EPHB1: variants seen among roughly 807,000 people sequenced by gnomAD.
EPHB1 encodes the protein ephrin type-B receptor 1.
Under a neutral mutation model 94.4 loss-of-function variants are expected in EPHB1, and 30 were observed. The ratio of observed to expected loss-of-function variants is 0.32; its 90% CI spans 0.24 to 0.43. The LOEUF is 0.43. Among genes scored for constraint, EPHB1 ranks in the 20% least tolerant of loss-of-function variants. The pLI, the probability that EPHB1 is intolerant of heterozygous loss-of-function variation, is 1.00. For missense variants in EPHB1, 1,055 were observed against 1,308.3 expected, an observed-to-expected ratio of 0.81 and a Z score of 2.99; for synonymous variants, 522 against 489.1, an observed-to-expected ratio of 1.07 and a Z score of -0.89.
chr3:134,938,854 TAA>T (rs2039061231), intron 2 of EPHB1, among the ~76,000 whole-genome samples: 1 of 152,136 alleles, frequency 6.6e-6, no homozygotes, highest in Non-Finnish European at 1.5e-5. Context: ...CAGAGAAGTT[TAA>T]AGACTTGCCC....
intron 3 of EPHB1, among the ~76,000 whole-genome samples, chr3:134,963,124 A>G (rs1019723785): frequency 8.4e-5 from 11 of 130,552 alleles, no homozygotes; most frequent in Non-Finnish European, 1.7e-4. Context: ...CCCTTCTTAT[A>G]CCTTCTCTTG....
intron 1 of EPHB1, among the ~76,000 whole-genome samples, chr3:134,804,736 C>G (rs2036004073): frequency 6.6e-6 from 1 of 152,182 alleles, no homozygotes; most frequent in Non-Finnish European, 1.5e-5. Flanking sequence ...GCTCTGGCTG[C>G]TTTTATCCAT....
At chr3:135,031,510 A>C (rs1936469256) in intron 3 of EPHB1, among the ~76,000 whole-genome samples, 2 of 152,044 alleles carry the variant, frequency 1.3e-5, no homozygotes, top group Non-Finnish European at 2.9e-5. Flanking sequence ...GGGTTTCTCC[A>C]CATTGTCCAT....
chr3:135,013,747 G>A (rs771624083), intron 3 of EPHB1, among the ~76,000 whole-genome samples: 2 of 152,212 alleles, frequency 1.3e-5, no homozygotes, highest in African/African-American at 2.4e-5. Flanking sequence ...AGAGGCTAAA[G>A]TTACAACTGC....
At chr3:134,833,626 G>A (rs2036617079) in intron 1 of EPHB1, among the ~76,000 whole-genome samples, 1 of 152,234 alleles carries the variant, frequency 6.6e-6, no homozygotes, top group South Asian at 2.1e-4. Context: ...TCAGTGTGAT[G>A]GGTGCCAGGA....
intron 4 of EPHB1, among the ~76,000 whole-genome samples, chr3:135,128,811 A>G (rs866974016): frequency 4.6e-5 from 7 of 152,200 alleles, no homozygotes; most frequent in Non-Finnish European, 4.4e-5. Flanking sequence ...AAATGAGTGA[A>G]TGAGTAAATA....
In EPHB1 at chr3:135,259,152, GA is replaced by G. The variant is rs2107736380; in HGVS notation, c.*36del. On this transcript the variant is annotated 3_prime_UTR_variant, in exon 16 of 16. Transcript: ENST00000398015. Reference sequence around the variant, plus strand: ...TTGTTTCTTGGGGAAGGAGAGGAGGGAAAAGGACCAGGGTCAAGGGGGACCA... The same window carrying G: ...TTGTTTCTTGGGGAAGGAGAGGAGGGAAAGGACCAGGGTCAAGGGGGACCA... The G allele has an allele frequency of 6.5e-7, 1 of 1,548,110 alleles. No individual in the cohort carries two copies. The highest frequency in any genetic ancestry group is 8.8e-7 in the Non-Finnish European group (1 of 1,132,704).
At chr3:134,822,451 CA>C (rs1371504812) in intron 1 of EPHB1, among the ~76,000 whole-genome samples, 2 of 152,170 alleles carry the variant, frequency 1.3e-5, no homozygotes, top group Non-Finnish European at 2.9e-5. Flanking sequence ...GGGCACTAAC[CA>C]ACATATATTT....
intron 13 of EPHB1, among the ~76,000 whole-genome samples, chr3:135,246,743 CA>C (rs1309642045): frequency 6.6e-6 from 1 of 152,098 alleles, no homozygotes; most frequent in Non-Finnish European, 1.5e-5. Flanking sequence ...CAGTGCAACA[CA>C]GTGTTCAAAA....
At chr3:134,894,749 T>C (rs948052370) in intron 1 of EPHB1, among the ~76,000 whole-genome samples, 3 of 152,228 alleles carry the variant, frequency 2.0e-5, no homozygotes, top group Non-Finnish European at 4.4e-5. Context: ...ACACCTGACA[T>C]AGAAGGTAGG....
At position 135,154,309 on chromosome 3, in the gene EPHB1, C is replaced by T. The variant is rs554150290; in HGVS notation, c.1422+33C>T. On this transcript the variant is annotated intron_variant, in intron 6 of 15. Coordinates refer to ENST00000398015, the MANE Select transcript of EPHB1 (RefSeq NM_004441.5). Reference sequence around the variant, plus strand: ...AGCTCTACCTGCAAGCTTGCAAGACCCAAGGCCAGCCACTGTTCCATGGAT... The same window carrying T: ...AGCTCTACCTGCAAGCTTGCAAGACTCAAGGCCAGCCACTGTTCCATGGAT... 1.7e-4 allele frequency: 268 copies of T among 1,612,646 alleles called. 3 individuals are homozygous for T. The South Asian group carries it at 2.8e-3, about 17-fold the overall frequency.
intron 5 of EPHB1, among the ~76,000 whole-genome samples, chr3:135,142,197 G>A (rs997235729): frequency 5.3e-5 from 8 of 152,320 alleles, no homozygotes; most frequent in Admixed American, 5.2e-4. Context: ...AAAGTTTGAG[G>A]AGAATGGAAA....
chr3:135,039,863 C>T (rs1185571241), intron 3 of EPHB1, among the ~76,000 whole-genome samples: 1 of 152,192 alleles, frequency 6.6e-6, no homozygotes, highest in Non-Finnish European at 1.5e-5. Flanking sequence ...AAAGGGGCTC[C>T]CACAGTGCAG....
chr3:135,166,698 C>T (rs1041548478), intron 8 of EPHB1, among the ~76,000 whole-genome samples: 3 of 152,240 alleles, frequency 2.0e-5, no homozygotes, highest in Non-Finnish European at 4.4e-5. Context: ...GAATGGGGTC[C>T]CACAGTCCCG....
chr3:134,811,248 T>TG (rs1560243589), intron 1 of EPHB1, among the ~76,000 whole-genome samples: 1 of 108,096 alleles, frequency 9.3e-6, no homozygotes, highest in Non-Finnish European at 1.9e-5. Context: ...GAAGGTTTTT[T>TG]TTTTTTTTTT....
Position 135,154,158 on chromosome 3 carries a change from C to T in EPHB1, c.1304C>T (p.Ser435Phe), listed in dbSNP as rs1941283643. 1.2e-6 allele frequency: 2 copies of T among 1,613,886 alleles called. 1 individual carries two copies. The highest frequency in any genetic ancestry group is 2.2e-5 in the South Asian group (2 of 91,088). Residue 435 changes from serine (S) to phenylalanine (F), a missense_variant, in exon 6 of 16, where the codon TCC becomes TTC. Physicochemically the swap from Ser to Phe is radical, Grantham distance 155 (BLOSUM62 -2). Transcript: ENST00000398015. ...TTTCTTTCTCTCTCCACAGCCCCCTCCACCGTTCCCATCATGCACCAAGTC... is the reference window on the plus strand; with the variant it reads ...TTTCTTTCTCTCTCCACAGCCCCCTTCACCGTTCCCATCATGCACCAAGTC... ...VNITTNQAAP[S>F]TVPIMHQVSA... is the part of the protein sequence containing the mutation.
chr3:134,974,358 C>T (rs1022911540), intron 3 of EPHB1, among the ~76,000 whole-genome samples: 3 of 152,180 alleles, frequency 2.0e-5, no homozygotes, highest in African/African-American at 7.2e-5. Context: ...GCTGTATGAC[C>T]TTGGGGTAAG....
chr3:134,937,814 G>A (rs1034260630), intron 2 of EPHB1, among the ~76,000 whole-genome samples: 1 of 152,012 alleles, frequency 6.6e-6, no homozygotes, highest in Non-Finnish European at 1.5e-5. Flanking sequence ...ACATTCAATC[G>A]ACAGCTTAAG....
intron 3 of EPHB1, among the ~76,000 whole-genome samples, chr3:135,099,257 C>G (rs965912485): frequency 6.6e-6 from 1 of 152,116 alleles, no homozygotes; most frequent in African/African-American, 2.4e-5. Context: ...AAGATGGCAA[C>G]ACCTATTATC....
Sources: gnomAD v4.1 joint callset for allele counts (sites outside exome capture counted in the v4.1 genomes callset) on GRCh38, gnomAD v4.1.1 for gene constraint, MANE v1.5 for transcripts, NCBI Gene and HGNC (gene_info 2026-07-23, HGNC 2026-07-21) for gene names.